The following GSTT4 variants were observed in gnomAD, a reference collection of about 807,000 sequenced individuals.
The protein encoded by GSTT4 is glutathione S-transferase theta-4.
chr22:24,003,601 G>T (rs1340875071), intron 2 of GSTT4, among the ~76,000 whole-genome samples, 159 bp downstream of exon 2: 1 of 152,274 alleles, frequency 6.6e-6, no homozygotes, highest in Non-Finnish European at 1.5e-5. Context: ...TCAGAGCTGG[G>T]CGATGGATTT....
At chr22:23,992,775 T>C in the GSTT4 span, among the ~76,000 whole-genome samples, 1 of 61,786 alleles carries the variant, frequency 1.6e-5, no homozygotes, top group South Asian at 6.7e-4. Flanking sequence ...CCCTGGTCTC[T>C]ACTATTCTTT....
downstream of GSTT4, among the ~76,000 whole-genome samples, chr22:23,994,052 G>C (rs1478281131): frequency 2.0e-5 from 3 of 152,172 alleles, no homozygotes; most frequent in African/African-American, 7.2e-5. Context: ...ACTGTGGTAG[G>C]TCTTACTCCA....
intron 4 of GSTT4, among the ~76,000 whole-genome samples, chr22:23,999,059 C>T (rs1452851567): frequency 6.6e-6 from 1 of 152,202 alleles, no homozygotes; most frequent in African/African-American, 2.4e-5. Flanking sequence ...CCAGGGAGAC[C>T]CCTTATCCCA....
chr22:24,002,509 C>T (rs2034254249), intron 2 of GSTT4, among the ~76,000 whole-genome samples: 5 of 152,256 alleles, frequency 3.3e-5, no homozygotes, highest in Non-Finnish European at 7.3e-5. Context: ...TAAAAAGTGG[C>T]AGGAGAGACA....
chr22:23,993,153 T>C, the GSTT4 span, among the ~76,000 whole-genome samples: 1 of 151,828 alleles, frequency 6.6e-6, no homozygotes, highest in Non-Finnish European at 1.5e-5. Context: ...GAAAAAGCTC[T>C]TTTCTCCATT....
chr22:24,004,954 AGG>A (rs2034319826), intron 1 of GSTT4: 1 of 139,584 alleles, frequency 7.2e-6, no homozygotes, highest in African/African-American at 2.6e-5. Flanking sequence ...AGATCACTTG[AGG>A]TCAGGAGTTT....
intron 3 of GSTT4, among the ~76,000 whole-genome samples, chr22:24,000,886 TTC>T (rs2034215852): frequency 9.1e-6 from 1 of 109,992 alleles, no homozygotes; most frequent in African/African-American, 4.1e-5. Flanking sequence ...GACGCTGAGA[TTC>T]TCTAGTTCAG....
At chr22:24,000,742 G>T (rs2024333610) in intron 3 of GSTT4, among the ~76,000 whole-genome samples, 1 of 137,766 alleles carries the variant, frequency 7.3e-6, no homozygotes, top group African/African-American at 3.1e-5. Flanking sequence ...TGTATTTTTA[G>T]TAGAGATGGT....
the GSTT4 span, among the ~76,000 whole-genome samples, chr22:23,992,052 C>CAAAAAAAAAAA: frequency 1.8e-3 from 127 of 71,136 alleles, 8 homozygotes; most frequent in Non-Finnish European, 2.4e-3. Flanking sequence ...TACTCCGTCT[C>CAAAAAAAAAAA]AAAAAAAAAA....
downstream of GSTT4, among the ~76,000 whole-genome samples, chr22:23,998,035 G>C (rs1269358180): frequency 6.6e-6 from 1 of 152,200 alleles, no homozygotes; most frequent in Non-Finnish European, 1.5e-5. Flanking sequence ...AACATACTTT[G>C]TGTGATTTCA....
At position 23,998,456 on chromosome 22, in the gene GSTT4, G is replaced by GTT. The variant is rs11343686; in HGVS notation, c.*84_*85dup. The stretch of plus-strand genomic sequence containing the variant: ...AGAACAGTTGTTTTTTTGTTTTTTT[G>GTT]TTTTTTTTTTTTTAACATTTCCTTT... On this transcript the variant is annotated 3_prime_UTR_variant, in exon 5 of 5. Coordinates refer to ENST00000621179, the MANE Select transcript of GSTT4 (RefSeq NM_001358664.2). The GTT allele has an allele frequency of 6.6e-3, 913 of 138,772 alleles. No homozygotes were observed. Among genetic ancestry groups the GTT allele is most frequent in the African/African-American group, 0.025 (841 of 34,302 alleles). 8.6% of individuals were successfully genotyped at this position (138,772 alleles called of 1,614,324 possible). A position where few individuals can be genotyped will look rare whatever the true frequency, so the allele number is the denominator to read the frequency against.
chr22:23,993,097 G>C, the GSTT4 span, among the ~76,000 whole-genome samples: 12 of 152,248 alleles, frequency 7.9e-5, no homozygotes, highest in South Asian at 1.9e-3. Flanking sequence ...GACATTTAAA[G>C]TTACCATCAT....
intron 2 of GSTT4, among the ~76,000 whole-genome samples, chr22:24,003,027 G>C (rs932041189): frequency 6.6e-6 from 1 of 152,232 alleles, no homozygotes; most frequent in African/African-American, 2.4e-5. Context: ...GGAGTGCAGT[G>C]GCGCAATCAG....
At chr22:24,004,169 C>T (rs536546146) in intron 1 of GSTT4, 1 of 153,446 alleles carries the variant, frequency 6.5e-6, no homozygotes, top group African/African-American at 2.4e-5. Context: ...GAAAACACAG[C>T]CTTTGAATCA....
chr22:23,992,113 T>G, the GSTT4 span, among the ~76,000 whole-genome samples: 3 of 132,016 alleles, frequency 2.3e-5, no homozygotes, highest in African/African-American at 8.1e-5. Context: ...CCTTGCCCAG[T>G]GCCTGGGCCC....
chr22:24,003,269 C>G (rs144366443), intron 2 of GSTT4, among the ~76,000 whole-genome samples: 3 of 48,404 alleles, frequency 6.2e-5, no homozygotes, highest in African/African-American at 1.6e-4. Context: ...TGAAGTGCAA[C>G]GACGCAGTCT....
In GSTT4 at chr22:23,998,608, C is replaced by T. The variant is rs990381443; in HGVS notation, c.660G>A (p.Trp220Ter). ...CCATTGAATCCAATGTTGAAAAGTCCCAGTCGGCCAACTGCATTAGTCGAT... is the reference window on the plus strand; with the variant it reads ...CCATTGAATCCAATGTTGAAAAGTCTCAGTCGGCCAACTGCATTAGTCGAT... ...AHDRLMQLAD[W>*]DFSTLDSMVK... Residue 220 changes from tryptophan (W) to a stop codon, truncating the protein, a stop_gained, in exon 5 of 5, where the codon TGG becomes TGA. Coordinates refer to ENST00000621179, the MANE Select transcript of GSTT4 (RefSeq NM_001358664.2). LOFTEE classifies it low-confidence loss of function (END_TRUNC). The T allele has an allele frequency of 1.3e-5, 2 of 155,118 alleles. No homozygotes were observed. The highest frequency in any genetic ancestry group is 2.9e-5 in the Non-Finnish European group (2 of 68,198). The allele number at this position is 155,118 out of a possible 1,614,324, so 9.6% of individuals were successfully genotyped here.
downstream of GSTT4, among the ~76,000 whole-genome samples, chr22:23,995,129 T>TG (rs939262578): frequency 2.2e-5 from 3 of 135,556 alleles, no homozygotes; most frequent in Admixed American, 1.5e-4. Flanking sequence ...CAAGTTTTTT[T>TG]TTTGTTTGTT....
At chr22:23,998,172 C>T (rs866466695), downstream of GSTT4, among the ~76,000 whole-genome samples, 96 of 152,048 alleles carry the variant, frequency 6.3e-4, no homozygotes, top group African/African-American at 2.2e-3. Flanking sequence ...CTAGTGTATG[C>T]GATTGGTTAA....
Sources: allele counts gnomAD v4.1 joint callset (sites outside exome capture counted in the v4.1 genomes callset), GRCh38; gene constraint gnomAD v4.1.1; transcripts MANE v1.5; gene names NCBI Gene and HGNC (gene_info 2026-07-23, HGNC 2026-07-21).